The following KCND2 variants were observed in gnomAD, a reference collection of about 807,000 sequenced individuals.
The protein encoded by KCND2 is A-type voltage-gated potassium channel KCND2.
A neutral mutation model predicts 54.4 loss-of-function variants in KCND2; 16 were observed. The observed-to-expected ratio is 0.29, with a 90% CI of 0.20 to 0.45. KCND2 has a LOEUF of 0.45. KCND2 is among the 20% of genes least tolerant of loss of function. KCND2 has a pLI of 1.00. For missense variants in KCND2, 486 were observed against 824.2 expected (o/e 0.59, Z 5.02); for synonymous variants, 317 against 310.7 (o/e 1.02, Z -0.21).
chr7:120,622,485 T>TTTTATATA (rs562549225), intron 1 of KCND2, among the ~76,000 whole-genome samples: 1 of 150,986 alleles, frequency 6.6e-6, no homozygotes, highest in African/African-American at 2.4e-5. Context: ...TGCGAAATTG[T>TTTTATATA]TATATATATA....
At chr7:120,473,159 C>T (rs900413413) in intron 1 of KCND2, among the ~76,000 whole-genome samples, 1 of 152,156 alleles carries the variant, frequency 6.6e-6, no homozygotes, top group Non-Finnish European at 1.5e-5. Context: ...AACCATGGTT[C>T]TGCGGGGCAT....
intron 1 of KCND2, among the ~76,000 whole-genome samples, chr7:120,616,245 A>G (rs1793022478): frequency 6.6e-6 from 1 of 152,186 alleles, no homozygotes; most frequent in Admixed American, 6.5e-5. Context: ...AGGAAAAATC[A>G]TTTTACCCCA....
At chr7:120,494,405 A>G (rs1318235346) in intron 1 of KCND2, among the ~76,000 whole-genome samples, 1 of 152,160 alleles carries the variant, frequency 6.6e-6, no homozygotes, top group African/African-American at 2.4e-5. Context: ...AAAAATAGCA[A>G]TCTTTAGATC....
At chr7:120,367,980 T>C (rs1800711390) in intron 1 of KCND2, among the ~76,000 whole-genome samples, 2 of 152,108 alleles carry the variant, frequency 1.3e-5, no homozygotes, top group Admixed American at 1.3e-4. Context: ...GATAGTTGTT[T>C]TATTTGATAC....
intron 1 of KCND2, among the ~76,000 whole-genome samples, chr7:120,298,841 G>A (rs1799546870): frequency 6.6e-6 from 1 of 152,160 alleles, no homozygotes; most frequent in African/African-American, 2.4e-5. Context: ...GGTTCTTGCT[G>A]AATCACAACT....
rs1584793096 is a variant in KCND2, at chr7:120,472,566, C to A, written c.1115+196819C>A. Among the ~76,000 whole-genome samples, 4 of 151,488 alleles carry A rather than the reference C, an allele frequency of 2.6e-5. No homozygotes were observed. The Middle Eastern group carries it at 0.014, about 519-fold the overall frequency. The stretch of plus-strand genomic sequence containing the variant: ...TGATTGTTATGAGACTTTAAATACA[C>A]ACACACACACACACACACAGTTTTT... On this transcript the variant is annotated intron_variant, in intron 1 of 5. Transcript: ENST00000331113.
intron 1 of KCND2, among the ~76,000 whole-genome samples, chr7:120,709,521 G>A (rs1229099539): frequency 6.6e-6 from 1 of 152,122 alleles, no homozygotes; most frequent in Non-Finnish European, 1.5e-5. Context: ...TGGTGAACAA[G>A]GAAGGATTGA....
At chr7:120,706,231 G>A (rs556158999) in intron 1 of KCND2, among the ~76,000 whole-genome samples, 11 of 152,202 alleles carry the variant, frequency 7.2e-5, no homozygotes, top group Non-Finnish European at 1.2e-4. Flanking sequence ...TGTGAGTACC[G>A]AAGATTATAT....
At chr7:120,523,592 C>A (rs547824258) in intron 1 of KCND2, among the ~76,000 whole-genome samples, 1 of 148,948 alleles carries the variant, frequency 6.7e-6, no homozygotes, top group South Asian at 2.1e-4. Context: ...TACACACACA[C>A]ACACGTACAC....
chr7:120,726,145 C>A (rs1427687677), intron 1 of KCND2, among the ~76,000 whole-genome samples: 1 of 152,066 alleles, frequency 6.6e-6, no homozygotes, highest in Non-Finnish European at 1.5e-5. Context: ...AAAAAATGTT[C>A]TTGGGCTTTG....
rs762221267 is a variant in KCND2, at chr7:120,748,644, G to A, written c.*786G>A. 6.6e-6 allele frequency: 1 copy of A among 152,270 alleles called. No individual in the cohort carries two copies. 9.4% of individuals were successfully genotyped at this position (152,270 alleles called of 1,614,324 possible). A position where few individuals can be genotyped will look rare whatever the true frequency, so the allele number is the denominator to read the frequency against. On this transcript the variant is annotated 3_prime_UTR_variant, in exon 6 of 6. Transcript: ENST00000331113. ...TTGTATCAGGAATCAGGATTTTTTT[G>A]TTGTTGTACTTTCCAGATCCTTATA... is the stretch of plus-strand genomic sequence containing the variant.
chr7:120,607,910 G>T lies in KCND2; in HGVS notation c.1116-124993G>T, dbSNP rs80113187. Among the ~76,000 whole-genome samples, 1,462 of 152,064 alleles carry T rather than the reference G, an allele frequency of 9.6e-3. 23 individuals are homozygous for T. The highest frequency in any genetic ancestry group is 0.033 in the African/African-American group (1,374 of 41,508). On this transcript the variant is annotated intron_variant, in intron 1 of 5. Coordinates refer to ENST00000331113, the MANE Select transcript of KCND2 (RefSeq NM_012281.3). ...GTCCTAACCAGGAAAAGTGAGGTAG[G>T]TCTACTAGGCTGTAGCTTAGGGTAT...
intron 1 of KCND2, among the ~76,000 whole-genome samples, chr7:120,421,249 G>A (rs1801617444): frequency 6.6e-6 from 1 of 152,150 alleles, no homozygotes. Context: ...TGTGTATTGA[G>A]CATTGTTACC....
At chr7:120,611,567 C>A (rs1205928100) in intron 1 of KCND2, among the ~76,000 whole-genome samples, 2 of 152,104 alleles carry the variant, frequency 1.3e-5, no homozygotes, top group Non-Finnish European at 2.9e-5. Flanking sequence ...TCTTAAAACT[C>A]TAGTTTGTGT....
At chr7:120,744,448 A>G (rs1792980510) in intron 4 of KCND2, among the ~76,000 whole-genome samples, 2 of 152,106 alleles carry the variant, frequency 1.3e-5, no homozygotes, top group African/African-American at 4.8e-5. Context: ...CTGATGAGAC[A>G]AATTAGAATC....
At chr7:120,446,857 A>T (rs1433161421) in intron 1 of KCND2, among the ~76,000 whole-genome samples, 1 of 152,216 alleles carries the variant, frequency 6.6e-6, no homozygotes, top group Non-Finnish European at 1.5e-5. Context: ...ACATAATTTC[A>T]CTTGCAATTC....
At chr7:120,362,946 G>T (rs1043823581) in intron 1 of KCND2, among the ~76,000 whole-genome samples, 4 of 151,998 alleles carry the variant, frequency 2.6e-5, no homozygotes, top group Admixed American at 2.6e-4. Context: ...TAGGAGTATA[G>T]CTGGAGAAAG....
intron 1 of KCND2, among the ~76,000 whole-genome samples, chr7:120,641,915 A>G (rs778170948): frequency 1.3e-5 from 2 of 152,128 alleles, no homozygotes; most frequent in Non-Finnish European, 2.9e-5. Context: ...ACATAGCCTT[A>G]AAAACCAGTC....
chr7:120,385,840 T>C (rs1243891047), intron 1 of KCND2, among the ~76,000 whole-genome samples: 1 of 152,282 alleles, frequency 6.6e-6, no homozygotes, highest in East Asian at 1.9e-4. Flanking sequence ...TGTAGCTCAG[T>C]TGGCTTATGC....
Sources: gnomAD v4.1 joint callset for allele counts (sites outside exome capture counted in the v4.1 genomes callset) on GRCh38, gnomAD v4.1.1 for gene constraint, MANE v1.5 for transcripts, NCBI Gene and HGNC (gene_info 2026-07-23, HGNC 2026-07-21) for gene names.